C12orf42: variants seen among roughly 807,000 people sequenced by gnomAD.
The protein encoded by C12orf42 is uncharacterized protein C12orf42.
A neutral mutation model predicts 21.6 loss-of-function variants in C12orf42; 25 were observed. The observed-to-expected ratio is 1.16, with a 90% CI of 0.84 to 1.62. The LOEUF (loss-of-function observed/expected upper bound fraction) is 1.62. Ranked by LOEUF, C12orf42 falls within the 40% of genes most tolerant of loss-of-function variation. C12orf42 has a pLI of 0.00. For synonymous variants in C12orf42, 174 were observed against 175.0 expected, an observed-to-expected ratio of 0.99 and a Z score of 0.05; for missense variants, 483 against 459.3, an observed-to-expected ratio of 1.05 and a Z score of -0.47.
At chr12:103,458,628 C>A (rs1336988124) in intron 2 of C12orf42, among the ~76,000 whole-genome samples, 6 of 152,156 alleles carry the variant, frequency 3.9e-5, no homozygotes, top group Non-Finnish European at 8.8e-5. Context: ...TTTGTTCTGT[C>A]ATCCCCATCA....
chr12:103,113,018 C>T, the C12orf42 span, among the ~76,000 whole-genome samples: 1 of 151,780 alleles, frequency 6.6e-6, no homozygotes, highest in Non-Finnish European at 1.5e-5. Flanking sequence ...TGTAGAGTCC[C>T]AAGGCTATGA....
downstream of C12orf42, among the ~76,000 whole-genome samples, chr12:103,265,847 G>A (rs922553771): frequency 2.3e-5 from 3 of 130,494 alleles, no homozygotes; most frequent in African/African-American, 5.4e-5. Flanking sequence ...TTTGCAATGG[G>A]CACATACTGT....
the C12orf42 span, among the ~76,000 whole-genome samples, chr12:103,097,976 G>T: frequency 6.6e-6 from 1 of 152,202 alleles, no homozygotes; most frequent in Non-Finnish European, 1.5e-5. Flanking sequence ...GGTCATACAG[G>T]TGAAGAGCTG....
At chr12:103,182,669 T>G in the C12orf42 span, among the ~76,000 whole-genome samples, 1 of 152,358 alleles carries the variant, frequency 6.6e-6, no homozygotes, top group East Asian at 1.9e-4. Context: ...ATATAAATTT[T>G]TATTGAGATA....
intron 4 of C12orf42, among the ~76,000 whole-genome samples, chr12:103,331,998 T>C (rs575933833): frequency 4.5e-4 from 68 of 152,206 alleles, no homozygotes; most frequent in African/African-American, 1.3e-3. Flanking sequence ...CCTTGATTAA[T>C]AGAAATTAGG....
chr12:103,139,357 C>A, the C12orf42 span, among the ~76,000 whole-genome samples: 1 of 152,154 alleles, frequency 6.6e-6, no homozygotes, highest in South Asian at 2.1e-4. Context: ...CTTTTGATTT[C>A]ACCATTCATA....
At chr12:103,177,155 AC>A in the C12orf42 span, among the ~76,000 whole-genome samples, 1 of 152,046 alleles carries the variant, frequency 6.6e-6, no homozygotes, top group Middle Eastern at 3.2e-3. Flanking sequence ...GGATATCCAC[AC>A]CCTGCTTTAT....
chr12:103,423,809 T>A (rs1238760009), intron 2 of C12orf42, among the ~76,000 whole-genome samples: 2 of 152,180 alleles, frequency 1.3e-5, no homozygotes, highest in African/African-American at 4.8e-5. Flanking sequence ...TTATGGCAAT[T>A]TAACATTCCA....
chr12:103,116,328 C>A, the C12orf42 span, among the ~76,000 whole-genome samples: 3 of 149,596 alleles, frequency 2.0e-5, no homozygotes, highest in Non-Finnish European at 4.4e-5. Context: ...CACGCCATTG[C>A]ACTCCAGCCT....
the C12orf42 span, among the ~76,000 whole-genome samples, chr12:103,116,483 C>T: frequency 6.6e-6 from 1 of 151,340 alleles, no homozygotes; most frequent in Non-Finnish European, 1.5e-5. Context: ...GATTCCTGGC[C>T]AATCTTAGTC....
chr12:103,092,609 C>T, the C12orf42 span, among the ~76,000 whole-genome samples: 156 of 152,276 alleles, frequency 1.0e-3, no homozygotes, highest in Middle Eastern at 6.8e-3. Context: ...TTCAGTGCAA[C>T]GTATTCTCCT....
chr12:103,203,963 C>A, the C12orf42 span, among the ~76,000 whole-genome samples: 1 of 152,164 alleles, frequency 6.6e-6, no homozygotes, highest in Non-Finnish European at 1.5e-5. Flanking sequence ...GCCCCAGGAC[C>A]AGGTTACTTT....
At chr12:103,152,466 C>G in the C12orf42 span, among the ~76,000 whole-genome samples, 1 of 151,960 alleles carries the variant, frequency 6.6e-6, no homozygotes. Context: ...ACGGTACTGG[C>G]CATCCTAGCA....
intron 2 of C12orf42, among the ~76,000 whole-genome samples, chr12:103,406,730 C>G (rs1455135652): frequency 6.6e-6 from 1 of 152,084 alleles, no homozygotes; most frequent in Non-Finnish European, 1.5e-5. Flanking sequence ...GCATAAGGTA[C>G]CAGGGGAGCT....
chr12:103,155,877 A>C, the C12orf42 span, among the ~76,000 whole-genome samples: 1 of 146,234 alleles, frequency 6.8e-6, no homozygotes, highest in African/African-American at 2.4e-5. Flanking sequence ...ACATATATAC[A>C]TATATGTGTG....
At chr12:103,239,008 T>C (rs1038893495) in intron 10 of C12orf42, among the ~76,000 whole-genome samples, 3 of 152,012 alleles carry the variant, frequency 2.0e-5, no homozygotes, top group Non-Finnish European at 2.9e-5. Flanking sequence ...CACTTGGGAG[T>C]GTGGCTAGTC....
intron 10 of C12orf42, among the ~76,000 whole-genome samples, chr12:103,260,770 A>T (rs1156910285): frequency 6.6e-6 from 1 of 152,226 alleles, no homozygotes; most frequent in Admixed American, 6.5e-5. Flanking sequence ...TGCATAGTTT[A>T]TCCAGAAACC....
intron 3 of C12orf42, among the ~76,000 whole-genome samples, chr12:103,394,151 G>T (rs565420911): frequency 2.0e-5 from 3 of 152,250 alleles, no homozygotes; most frequent in South Asian, 2.1e-4. Flanking sequence ...GAATATAAAA[G>T]GTATCTCCAG....
chr12:103,322,626 C>T, intron 4 of C12orf42, among the ~76,000 whole-genome samples: 1 of 152,154 alleles, frequency 6.6e-6, no homozygotes, highest in East Asian at 1.9e-4. Context: ...CAGCGTACTT[C>T]AGATAGATCT....
Sources: allele counts gnomAD v4.1 joint callset (sites outside exome capture counted in the v4.1 genomes callset), GRCh38; gene constraint gnomAD v4.1.1; transcripts MANE v1.5; gene names NCBI Gene and HGNC (gene_info 2026-07-23, HGNC 2026-07-21).